The following GC variants were observed in gnomAD, a reference collection of about 807,000 sequenced individuals.
GC encodes vitamin D-binding protein.
In GC, 43 loss-of-function variants were observed where a neutral mutation model predicts 56.7. That is an observed-to-expected ratio of 0.76 (90% CI 0.59 to 0.98). The LOEUF (loss-of-function observed/expected upper bound fraction) is 0.98. Ranked by LOEUF, GC falls within the 50% of genes least tolerant of loss-of-function variation. The pLI, the probability that GC is intolerant of heterozygous loss-of-function variation, is 0.00. For missense variants in GC, 529 were observed against 545.9 expected, an observed-to-expected ratio of 0.97 and a Z score of 0.31; for synonymous variants, 216 against 202.7, an observed-to-expected ratio of 1.07 and a Z score of -0.56.
chr4:71,780,411 G>T (rs898551897), intron 1 of GC, among the ~76,000 whole-genome samples: 3 of 152,030 alleles, frequency 2.0e-5, no homozygotes, highest in African/African-American at 2.4e-5. Context: ...AAAAGCTTCT[G>T]CACAGCAAAA....
In GC at chr4:71,746,215, A is replaced by G. The variant is rs771293200; in HGVS notation, c.1396-10T>C. 4.9e-6 allele frequency: 6 copies of G among 1,227,474 alleles called. No homozygotes were observed. The South Asian group carries it at 7.3e-5, about 15-fold the overall frequency. The allele number at this position is 1,227,474 out of a possible 1,614,324, so 76.0% of individuals were successfully genotyped here. A position where few individuals can be genotyped will look rare whatever the true frequency, so the allele number is the denominator to read the frequency against. On this transcript the variant is annotated splice_polypyrimidine_tract_variant and intron_variant, in intron 11 of 12. Transcript: ENST00000273951. ...TCAATTCAGCATCAATCTGATAATG[A>G]AAAAAGAATGTTATATAACTTATGA...
intron 1 of GC, among the ~76,000 whole-genome samples, chr4:71,790,894 G>A (rs1386029355): frequency 6.6e-6 from 1 of 151,718 alleles, no homozygotes; most frequent in African/African-American, 2.4e-5. Flanking sequence ...TTAGGTATAT[G>A]TCCTAAAGCT....
At chr4:71,794,532 T>C (rs1743045801) in intron 1 of GC, among the ~76,000 whole-genome samples, 1 of 152,180 alleles carries the variant, frequency 6.6e-6, no homozygotes, top group African/African-American at 2.4e-5. Context: ...TTGCATCTAT[T>C]TGATTCTTCT....
At chr4:71,790,406 TGAAAA>T (rs2149308626) in intron 1 of GC, among the ~76,000 whole-genome samples, 1 of 152,138 alleles carries the variant, frequency 6.6e-6, no homozygotes, top group Non-Finnish European at 1.5e-5. Flanking sequence ...GTGAATCTCT[TGAAAA>T]GAACCATTCA....
chr4:71,761,523 A>G (rs146418733), intron 6 of GC, among the ~76,000 whole-genome samples: 113 of 152,346 alleles, frequency 7.4e-4, no homozygotes, highest in African/African-American at 2.5e-3. Context: ...CATAAGTAAC[A>G]AGGAGCTGAA....
At position 71,763,450 on chromosome 4, in the gene GC, C is replaced by G; in HGVS notation, c.659G>C (p.Cys220Ser). 1 of 1,607,434 alleles carries G rather than the reference C, an allele frequency of 6.2e-7. No homozygotes were observed. ...CTCCCCATAAGCAGCATATTGTGAGCAGACTCTATTTGACAGAGTGGTGAG... is the reference window on the plus strand; with the variant it reads ...CTCCCCATAAGCAGCATATTGTGAGGAGACTCTATTTGACAGAGTGGTGAG... ...SLLTTLSNRV[C>S]SQYAAYGEKK... The change falls in exon 6 of 13, where the codon TGC becomes TCC. Residue 220 changes from cysteine to serine, a missense_variant. By Grantham distance (112) the Cys-to-Ser change is moderately radical (BLOSUM62 -1). Transcript: ENST00000273951.
chr4:71,758,088 A>G lies in GC; in HGVS notation c.785T>C (p.Leu262Pro). The G allele has an allele frequency of 6.2e-7, 1 of 1,613,570 alleles. No individual in the cohort carries two copies. ...LPLAEDITNI[L>P]SKCCESASED... Reference sequence around the variant, plus strand: ...AGAGGCAGACTCACAGCATTTGGAGAGGATGTTAGTAATATCTTCAGCTAG... The same window carrying G: ...AGAGGCAGACTCACAGCATTTGGAGGGGATGTTAGTAATATCTTCAGCTAG... Residue 262 changes from leucine (L) to proline (P), a missense_variant, in exon 7 of 13, where the codon CTC (leucine) becomes CCC (proline). Coordinates refer to ENST00000273951, the MANE Select transcript of GC (RefSeq NM_000583.4).
chr4:71,760,977 C>G (rs1045333098), intron 6 of GC, among the ~76,000 whole-genome samples: 9 of 152,118 alleles, frequency 5.9e-5, no homozygotes, highest in Non-Finnish European at 2.9e-5. Context: ...CAGATTAATA[C>G]AGTAAATTTG....
chr4:71,792,998 C>G (rs1743009339), intron 1 of GC, among the ~76,000 whole-genome samples: 1 of 152,122 alleles, frequency 6.6e-6, no homozygotes, highest in South Asian at 2.1e-4. Flanking sequence ...TCTGAGGCCT[C>G]TGTTCTGTTC....
chr4:71,777,666 C>T (rs1192319218), intron 1 of GC, among the ~76,000 whole-genome samples: 1 of 150,438 alleles, frequency 6.6e-6, no homozygotes, highest in Non-Finnish European at 1.5e-5. Context: ...CTAACATTTG[C>T]AGCAGAACTG....
At position 71,745,922 on chromosome 4, in the gene GC, A is replaced by C. The variant is rs187720029; in HGVS notation, c.*25+229T>G. Among the ~76,000 whole-genome samples the C allele has an allele frequency of 4.0e-4, 61 of 152,110 alleles. 1 individual carries two copies. The highest frequency in any genetic ancestry group is 3.4e-3 in the Middle Eastern group (1 of 294). Reference sequence around the variant, plus strand: ...GTGAGATTATGATGGATGAAGCACAAGGCAGGGGACCAGTAAACCTGGATT... The same window carrying C: ...GTGAGATTATGATGGATGAAGCACACGGCAGGGGACCAGTAAACCTGGATT... On this transcript the variant is annotated intron_variant, in intron 12 of 12. Transcript: ENST00000273951.
intron 1 of GC, among the ~76,000 whole-genome samples, chr4:71,791,304 T>G (rs1742962564): frequency 6.6e-6 from 1 of 152,132 alleles, no homozygotes; most frequent in Admixed American, 6.6e-5. Context: ...AACATGATTT[T>G]TCATTATCTT....
At chr4:71,771,812 G>T (rs1191223027) in intron 1 of GC, among the ~76,000 whole-genome samples, 4 of 152,124 alleles carry the variant, frequency 2.6e-5, no homozygotes, top group Admixed American at 2.6e-4. Flanking sequence ...ATCATTAATG[G>T]TATTTTATGG....
At chr4:71,778,066 A>G (rs928783820) in intron 1 of GC, among the ~76,000 whole-genome samples, 1 of 151,846 alleles carries the variant, frequency 6.6e-6, no homozygotes. Flanking sequence ...TAAAACCCAC[A>G]TAGGAATTCA....
At chr4:71,800,196 T>G (rs1462538841) in intron 1 of GC, among the ~76,000 whole-genome samples, 1 of 152,088 alleles carries the variant, frequency 6.6e-6, no homozygotes, top group African/African-American at 2.4e-5. Context: ...TATTAAGCCC[T>G]GCATGCTTTA....
intron 12 of GC, among the ~76,000 whole-genome samples, chr4:71,744,541 C>T (rs1311214384): frequency 6.6e-6 from 1 of 151,728 alleles, no homozygotes; most frequent in Non-Finnish European, 1.5e-5. Flanking sequence ...ATTACTTCCT[C>T]CTTACTTACC....
At chr4:71,743,877 A>C (rs1253734899) in intron 12 of GC, among the ~76,000 whole-genome samples, 1 of 152,204 alleles carries the variant, frequency 6.6e-6, no homozygotes, top group Non-Finnish European at 1.5e-5. Flanking sequence ...ATATGTGAAT[A>C]ATTTTAGGAA....
In GC at chr4:71,763,415, T is replaced by C. The variant is rs769134969; in HGVS notation, c.694A>G (p.Arg232Gly). The change falls in exon 6 of 13, where the codon AGG becomes GGG. Residue 232 changes from arginine (R) to glycine (G), a missense_variant. Arg to Gly is a moderately radical substitution (Grantham distance 125). Coordinates refer to ENST00000273951, the MANE Select transcript of GC (RefSeq NM_000583.4). The part of the protein sequence containing the change: ...QYAAYGEKKS[R>G]LSNLIKLAQK... ...ATAGCACTTAATCTTTACCTGAGCC[T>C]TGATTTCTTCTCCCCATAAGCAGCA... is the stretch of plus-strand genomic sequence containing the variant. 1.9e-6 allele frequency: 3 copies of C among 1,563,450 alleles called. No homozygotes were observed. The highest frequency in any genetic ancestry group is 2.6e-6 in the Non-Finnish European group (3 of 1,134,506).
chr4:71,743,502 A>G (rs1741254534), intron 12 of GC, among the ~76,000 whole-genome samples: 1 of 152,190 alleles, frequency 6.6e-6, no homozygotes, highest in Non-Finnish European at 1.5e-5. Context: ...CTGGATTTAG[A>G]GCAACTCATG....
Sources: gnomAD v4.1 joint callset for allele counts (sites outside exome capture counted in the v4.1 genomes callset) on GRCh38, gnomAD v4.1.1 for gene constraint, MANE v1.5 for transcripts, NCBI Gene and HGNC (gene_info 2026-07-23, HGNC 2026-07-21) for gene names.